Variants in GARIN1A observed in about 807,000 individuals in gnomAD.
The protein encoded by GARIN1A is Golgi-associated RAB2 interactor protein 1A.
chr7:128,681,461 C>CCCTCCCCTCCCCTCCCCTCT, the GARIN1A span, among the ~76,000 whole-genome samples: 1 of 107,350 alleles, frequency 9.3e-6, no homozygotes, highest in Non-Finnish European at 1.9e-5. Context: ...CCCTCCCCTC[C>CCCTCCCCTCCCCTCCCCTCT]CCTCCCCTCT....
chr7:128,694,652 G>T, the GARIN1A span, among the ~76,000 whole-genome samples: 1 of 152,148 alleles, frequency 6.6e-6, no homozygotes. Context: ...AGGGGTACTG[G>T]TCACAAGAAT....
the GARIN1A span, among the ~76,000 whole-genome samples, chr7:128,681,453 CT>C: frequency 8.9e-6 from 1 of 111,972 alleles, no homozygotes; most frequent in Non-Finnish European, 2.0e-5. Flanking sequence ...CTCCTCTCCC[CT>C]CCCCTCCCCT....
chr7:128,708,589 ACTCC>A, the GARIN1A span, among the ~76,000 whole-genome samples: 14 of 151,818 alleles, frequency 9.2e-5, no homozygotes, highest in Non-Finnish European at 2.9e-5. Flanking sequence ...CTGATTTCTC[ACTCC>A]CTCAGACTGC....
chr7:128,681,515 C>G, the GARIN1A span, among the ~76,000 whole-genome samples: 1 of 136,148 alleles, frequency 7.3e-6, no homozygotes, highest in East Asian at 2.5e-4. Context: ...CCTCTCCTCT[C>G]CTTTCCAACA....
chr7:128,704,682 C>CT, the GARIN1A span, among the ~76,000 whole-genome samples: 1 of 152,180 alleles, frequency 6.6e-6, no homozygotes, highest in African/African-American at 2.4e-5. Context: ...CTATGAGAAT[C>CT]TAACGCCGCC....
chr7:128,682,903 A>G, the GARIN1A span: 2 of 1,333,516 alleles, frequency 1.5e-6, 1 homozygote, highest in South Asian at 3.0e-5. Context: ...TTAAATTTTA[A>G]CAATGTTTTC....
the GARIN1A span, among the ~76,000 whole-genome samples, chr7:128,699,903 A>AT: frequency 4.2e-4 from 64 of 151,158 alleles, 1 homozygote; most frequent in South Asian, 0.012. Context: ...TTTGAGTTTT[A>AT]TTTTTTTTTA....
At chr7:128,675,885 G>A in the GARIN1A span, 6 of 1,475,014 alleles carry the variant, frequency 4.1e-6, no homozygotes, top group Non-Finnish European at 5.7e-6. Flanking sequence ...AGGGCGGGAA[G>A]GGATGGAATG....
chr7:128,693,133 A>G, the GARIN1A span, among the ~76,000 whole-genome samples: 1 of 152,384 alleles, frequency 6.6e-6, no homozygotes, highest in East Asian at 1.9e-4. Flanking sequence ...GGGGATACAG[A>G]TAATTTTCTT....
At chr7:128,671,644 T>TAAA in the GARIN1A span, among the ~76,000 whole-genome samples, 3 of 57,344 alleles carry the variant, frequency 5.2e-5, no homozygotes, top group Admixed American at 2.0e-4. Flanking sequence ...AAACTCTGTC[T>TAAA]CAAAAAAAAA....
At chr7:128,674,587 G>A in the GARIN1A span, among the ~76,000 whole-genome samples, 13 of 152,166 alleles carry the variant, frequency 8.5e-5, no homozygotes, top group African/African-American at 2.9e-4. Context: ...TACTCTCAAT[G>A]TGTACAACCC....
At chr7:128,695,145 C>T in the GARIN1A span, among the ~76,000 whole-genome samples, 168 of 152,278 alleles carry the variant, frequency 1.1e-3, no homozygotes, top group African/African-American at 3.7e-3. This position sits in a 1 kb window ranked among gnomAD's most constrained non-coding sequence, Gnocchi z 4.5. Flanking sequence ...TTTGGTAATA[C>T]GCTGGGTATC....
At chr7:128,683,049 C>G in the GARIN1A span, 8 of 1,611,134 alleles carry the variant, frequency 5.0e-6, no homozygotes, top group Non-Finnish European at 6.8e-6. Flanking sequence ...TTTGAATATA[C>G]CCATGAGAGC....
chr7:128,679,961 G>A, the GARIN1A span: 52 of 873,112 alleles, frequency 6.0e-5, no homozygotes, highest in Admixed American at 2.7e-4. Flanking sequence ...CCCCTTCAAA[G>A]TTCTACCCCG....
the GARIN1A span, chr7:128,672,487 G>T: frequency 1.9e-4 from 306 of 1,609,446 alleles, 1 homozygote; most frequent in East Asian, 6.6e-3. Context: ...TTTGTCAACT[G>T]ATTCATTCTC....
At chr7:128,682,730 A>T in the GARIN1A span, among the ~76,000 whole-genome samples, 1 of 152,090 alleles carries the variant, frequency 6.6e-6, no homozygotes, top group East Asian at 1.9e-4. Flanking sequence ...GGCGTGTGCC[A>T]CATGCCTGGC....
the GARIN1A span, chr7:128,672,322 C>T: frequency 7.6e-7 from 1 of 1,309,982 alleles, no homozygotes; most frequent in Non-Finnish European, 1.1e-6. Flanking sequence ...GGGCAGATCA[C>T]ATCAACATCC....
chr7:128,672,688 G>C, the GARIN1A span: 1 of 751,574 alleles, frequency 1.3e-6, no homozygotes, highest in Admixed American at 2.9e-5. Context: ...CAAAGCTAGA[G>C]AAAACCAGAA....
the GARIN1A span, chr7:128,690,366 A>T: frequency 6.5e-6 from 1 of 154,440 alleles, no homozygotes; most frequent in Admixed American, 6.5e-5. Flanking sequence ...ACCCTGCCAA[A>T]TCCCCCTCTG....
Sources: gnomAD v4.1 joint callset for allele counts (sites outside exome capture counted in the v4.1 genomes callset) on GRCh38, gnomAD v4.1.1 for gene constraint, Gnocchi (gnomAD v3.1) non-coding constraint, MANE v1.5 for transcripts, NCBI Gene and HGNC (gene_info 2026-07-23, HGNC 2026-07-21) for gene names.